CDH3: variants seen among roughly 807,000 people sequenced by gnomAD.
The protein encoded by CDH3 is cadherin 3.
CDH3 carries 54 observed loss-of-function variants against 82.0 expected under a neutral mutation model. The observed-to-expected ratio is 0.66, with a 90% CI of 0.53 to 0.83. CDH3 has a LOEUF of 0.83. Among genes scored for constraint, CDH3 ranks in the 40% least tolerant of loss-of-function variants. The probability of loss-of-function intolerance (pLI) is 0.00; values close to 1 mark genes in which losing one functional copy is unlikely to be tolerated. For missense variants in CDH3, 1,054 were observed against 1,084.6 expected (o/e 0.97, Z 0.40); for synonymous variants, 446 against 437.9 (o/e 1.02, Z -0.23).
chr16:68,690,647 G>A (rs1165059836), intron 12 of CDH3, among the ~76,000 whole-genome samples: 2 of 151,748 alleles, frequency 1.3e-5, no homozygotes, highest in African/African-American at 2.4e-5. Context: ...CGTGGCTCAC[G>A]CCTGTAATCC....
intron 12 of CDH3, among the ~76,000 whole-genome samples, chr16:68,688,951 A>G (rs924661248): frequency 6.6e-6 from 1 of 152,120 alleles, no homozygotes; most frequent in South Asian, 2.1e-4. Flanking sequence ...AGTCTCACTC[A>G]CCATGGTGTG....
At chr16:68,671,439 C>T (rs554365605) in intron 2 of CDH3, among the ~76,000 whole-genome samples, 11 of 152,174 alleles carry the variant, frequency 7.2e-5, no homozygotes, top group Middle Eastern at 6.9e-3. Flanking sequence ...TCTGTAACTA[C>T]CTGTGTCCAA....
At chr16:68,651,145 G>A in intron 2 of CDH3, 1 of 464,738 alleles carries the variant, frequency 2.2e-6, no homozygotes. Flanking sequence ...GCAGTAGTTG[G>A]AATTGTATAT....
chr16:68,718,143 G>A (rs952034276), intron 1 of CDH3, among the ~76,000 whole-genome samples: 2 of 151,892 alleles, frequency 1.3e-5, no homozygotes, highest in Admixed American at 6.6e-5. Flanking sequence ...TGGGTAGCTA[G>A]GACTACAGGC....
rs745762551 is a variant in CDH3 at position 68,722,813 on chromosome 16, G to A, written c.*45+197G>A. On this transcript the variant is annotated intron_variant, in intron 2 of 2. Transcript: ENST00000569080. ...ATTTATTTATTTATTTTTTGAGACG[G>A]GTTTCGCTCTTGTTGCTCAGGCTGG... Among the ~76,000 whole-genome samples the A allele has an allele frequency of 3.5e-4, 53 of 151,930 alleles. 1 individual carries two copies. The highest frequency in any genetic ancestry group is 6.5e-4 in the Non-Finnish European group (44 of 68,006).
intron 2 of CDH3, among the ~76,000 whole-genome samples, chr16:68,646,831 C>T (rs1259815503): frequency 6.6e-6 from 1 of 152,168 alleles, no homozygotes; most frequent in South Asian, 2.1e-4. Context: ...TAGCATTCTT[C>T]TAAAGTCTCC....
In CDH3 at chr16:68,676,374, C is replaced by G; in HGVS notation, c.161-11C>G. 1.2e-6 allele frequency: 2 copies of G among 1,604,886 alleles called. No individual in the cohort carries two copies. Among genetic ancestry groups the G allele is most frequent in the South Asian group, 2.2e-5 (2 of 90,902 alleles). On this transcript the variant is annotated splice_polypyrimidine_tract_variant and intron_variant, in intron 2 of 15. Coordinates refer to ENST00000264012, the MANE Select transcript of CDH3 (RefSeq NM_001793.6). ...TGCCTTCCTAATGCTCTCTCTTCCC[C>G]TTCCCCACAGTATTCATGGGCTGCC...
rs753317279 is a variant in CDH3, at chr16:68,698,520, C to T, written c.*120C>T. The T allele has an allele frequency of 1.5e-4, 122 of 833,274 alleles. No individual in the cohort carries two copies. The highest frequency in any genetic ancestry group is 3.5e-4 in the Middle Eastern group (1 of 2,844). 51.6% of individuals were successfully genotyped at this position (833,274 alleles called of 1,614,324 possible). ...TCAGGAAGTGGCCGTAGCAACTTGG[C>T]GGAGACAGGCTATGAGTCTGACGTT... On this transcript the variant is annotated 3_prime_UTR_variant, in exon 16 of 16. Coordinates refer to ENST00000264012, the MANE Select transcript of CDH3 (RefSeq NM_001793.6).
intron 2 of CDH3, among the ~76,000 whole-genome samples, chr16:68,660,540 G>C (rs911052993): frequency 1.3e-5 from 2 of 152,186 alleles, no homozygotes; most frequent in African/African-American, 2.4e-5. Flanking sequence ...TCTTAAAGCA[G>C]ACACTCATTT....
At chr16:68,708,947 T>G (rs533881551) in intron 1 of CDH3, among the ~76,000 whole-genome samples, 2 of 152,138 alleles carry the variant, frequency 1.3e-5, no homozygotes, top group Admixed American at 1.3e-4. Flanking sequence ...TGGCAGATTT[T>G]TGTATTTTTT....
intron 3 of CDH3, among the ~76,000 whole-genome samples, chr16:68,677,060 C>T (rs562828465): frequency 7.2e-5 from 11 of 152,306 alleles, no homozygotes; most frequent in African/African-American, 2.6e-4. Flanking sequence ...TCTATACTTA[C>T]ATGTGTTACA....
chr16:68,669,954 C>CA (rs1399408087), intron 2 of CDH3, among the ~76,000 whole-genome samples: 1 of 151,368 alleles, frequency 6.6e-6, no homozygotes, highest in Non-Finnish European at 1.5e-5. Context: ...CTGTATCTAC[C>CA]AAAAAAATAA....
At chr16:68,683,956 A>C (rs1961315539) in intron 9 of CDH3, among the ~76,000 whole-genome samples, 1 of 150,686 alleles carries the variant, frequency 6.6e-6, no homozygotes, top group Non-Finnish European at 1.5e-5. Context: ...AGTCCCAGCT[A>C]CTCGAGAGGC....
rs569204307 is a variant in CDH3, at chr16:68,669,761, C to T, written c.161-6624C>T. 5.9e-5 allele frequency among the ~76,000 whole-genome samples: 9 copies of T among 152,156 alleles called. No homozygotes were observed. In the South Asian group the frequency reaches 1.2e-3, roughly 21 times the overall value. Reference sequence around the variant, plus strand: ...GTCTCTCCTTAAAGGAAATAATTGACAGAATTGTCTGGTTAGCCCTTTACT... The same window carrying T: ...GTCTCTCCTTAAAGGAAATAATTGATAGAATTGTCTGGTTAGCCCTTTACT... On this transcript the variant is annotated intron_variant, in intron 2 of 15. Coordinates refer to ENST00000264012, the MANE Select transcript of CDH3 (RefSeq NM_001793.6).
intron 2 of CDH3, among the ~76,000 whole-genome samples, chr16:68,653,317 A>G (rs1375138850): frequency 1.3e-5 from 2 of 151,642 alleles, no homozygotes; most frequent in African/African-American, 2.4e-5. Flanking sequence ...GCTCACCGCA[A>G]CCTCCACCTC....
chr16:68,720,918 C>G (rs867932471), intron 1 of CDH3, among the ~76,000 whole-genome samples: 3 of 152,134 alleles, frequency 2.0e-5, no homozygotes, highest in Middle Eastern at 6.8e-3. Context: ...CCATGTCAGG[C>G]CTTTATTGAG....
At chr16:68,694,055 G>A (rs1961642132) in intron 13 of CDH3, among the ~76,000 whole-genome samples, 1 of 152,066 alleles carries the variant, frequency 6.6e-6, no homozygotes, top group Non-Finnish European at 1.5e-5. Context: ...AGGAGTTAGA[G>A]ACCAGCTTGG....
intron 2 of CDH3, among the ~76,000 whole-genome samples, chr16:68,655,838 G>A (rs538851717): frequency 1.4e-4 from 22 of 152,274 alleles, no homozygotes; most frequent in Non-Finnish European, 2.9e-4. Flanking sequence ...ACTCCAGCCT[G>A]GGCGACAGAG....
At chr16:68,709,758 T>C (rs547720766) in intron 1 of CDH3, among the ~76,000 whole-genome samples, 2 of 152,294 alleles carry the variant, frequency 1.3e-5, no homozygotes, top group South Asian at 4.1e-4. Context: ...TTTTTCTGTC[T>C]CCTTCATTTC....
Sources: allele counts gnomAD v4.1 joint callset (sites outside exome capture counted in the v4.1 genomes callset), GRCh38; gene constraint gnomAD v4.1.1; transcripts MANE v1.5; gene names NCBI Gene and HGNC (gene_info 2026-07-23, HGNC 2026-07-21).